MOV10: variants seen among roughly 807,000 people sequenced by gnomAD.
MOV10 encodes RNA helicase MOV-10.
A neutral mutation model predicts 108.4 loss-of-function variants in MOV10; 39 were observed. The ratio of observed to expected loss-of-function variants is 0.36; its 90% CI spans 0.28 to 0.47. The LOEUF is 0.47. Among genes scored for constraint, MOV10 ranks in the 20% least tolerant of loss-of-function variants. The pLI is 1.00. For synonymous variants in MOV10, 490 were observed against 523.1 expected, an observed-to-expected ratio of 0.94 and a Z score of 0.86; for missense variants, 952 against 1,297.6, an observed-to-expected ratio of 0.73 and a Z score of 4.09.
intron 17 of MOV10, 199 bp downstream of exon 17, chr1:112,698,988 T>G (rs1674371305): frequency 1.7e-6 from 1 of 592,000 alleles, no homozygotes; most frequent in Non-Finnish European, 3.0e-6. Flanking sequence ...GAAGCCTGCA[T>G]GTTTAACAAA....
At chr1:112,676,145 T>C (rs915566468) in intron 2 of MOV10, among the ~76,000 whole-genome samples, 7 of 152,188 alleles carry the variant, frequency 4.6e-5, no homozygotes, top group Non-Finnish European at 1.0e-4. Flanking sequence ...GGGGCAAAGA[T>C]GATGAGGCCC....
chr1:112,678,688 G>T (rs1358571547), intron 2 of MOV10, among the ~76,000 whole-genome samples: 2 of 152,042 alleles, frequency 1.3e-5, no homozygotes, highest in Non-Finnish European at 1.5e-5. Flanking sequence ...ACCTTCAAAG[G>T]CTTGGGATGA....
chr1:112,679,184 C>G (rs998275222), intron 2 of MOV10, among the ~76,000 whole-genome samples: 3 of 152,014 alleles, frequency 2.0e-5, no homozygotes, highest in African/African-American at 7.3e-5. Flanking sequence ...AGCCATTGTT[C>G]ACCCAACAAA....
chr1:112,698,855 T>C (rs1354511109), intron 17 of MOV10, 66 bp downstream of exon 17: 27 of 1,337,738 alleles, frequency 2.0e-5, no homozygotes, highest in African/African-American at 5.8e-5. Context: ...TTCCAGAGAC[T>C]TCCTCAAGCT....
rs115422843 is a variant in MOV10, at chr1:112,689,393, C to A, written c.342-22C>A. ...TCAGACCGCTCCCACCCCAACCCCCCCTTGACTCCCCTTCTCCCCAGGGCT... is the reference window on the plus strand; with the variant it reads ...TCAGACCGCTCCCACCCCAACCCCCACTTGACTCCCCTTCTCCCCAGGGCT... On this transcript the variant is annotated intron_variant, in intron 3 of 20. Transcript: ENST00000369645. 762 of 1,466,968 alleles carry A rather than the reference C, an allele frequency of 5.2e-4. 3 individuals are homozygous for A. The highest frequency in any genetic ancestry group is 5.5e-4 in the East Asian group (24 of 43,976). The allele number at this position is 1,466,968 out of a possible 1,614,324, so 90.9% of individuals were successfully genotyped here.
At chr1:112,696,070 G>T (rs570435821) in intron 11 of MOV10, 78 bp from the exon 12 acceptor site, 35 of 942,662 alleles carry the variant, frequency 3.7e-5, no homozygotes, top group Admixed American at 1.9e-4. Flanking sequence ...ATTGTTTGAG[G>T]GGGGGTACCC....
intron 2 of MOV10, among the ~76,000 whole-genome samples, chr1:112,681,615 A>G (rs1336883487): frequency 4.6e-5 from 7 of 152,130 alleles, no homozygotes; most frequent in African/African-American, 1.5e-4. Flanking sequence ...ATATCATACT[A>G]TAATAAATTT....
intron 5 of MOV10, among the ~76,000 whole-genome samples, chr1:112,690,766 T>C (rs1009862256): frequency 2.6e-5 from 4 of 152,330 alleles, no homozygotes; most frequent in Non-Finnish European, 4.4e-5. Context: ...TTCACAAATA[T>C]GTGACACTAT....
intron 3 of MOV10, 30 bp from the exon 4 acceptor site, chr1:112,689,385 C>CCCCCCCCCCCGGG: frequency 8.5e-7 from 1 of 1,182,978 alleles, no homozygotes; most frequent in Admixed American, 1.7e-5. Flanking sequence ...GCTCCCACCC[C>CCCCCCCCCCCGGG]AACCCCCCCT....
chr1:112,674,592 G>A (rs1399056066), upstream of MOV10: 3 of 216,054 alleles, frequency 1.4e-5, no homozygotes, highest in South Asian at 9.1e-5. Flanking sequence ...CGGTAGCCAC[G>A]TTCTGATACT....
At chr1:112,686,690 A>G (rs1274790217) in intron 2 of MOV10, among the ~76,000 whole-genome samples, 6 of 152,182 alleles carry the variant, frequency 3.9e-5, no homozygotes, top group Non-Finnish European at 8.8e-5. Context: ...TGTCATGGTC[A>G]GTCCCTCCAA....
At chr1:112,683,550 G>C (rs775372722) in intron 2 of MOV10, among the ~76,000 whole-genome samples, 1 of 152,074 alleles carries the variant, frequency 6.6e-6, no homozygotes, top group Non-Finnish European at 1.5e-5. Context: ...TGTTTCCCAG[G>C]ATGGTCTTGA....
chr1:112,688,810 C>A, intron 2 of MOV10, 125 bp from the exon 3 acceptor site: 1 of 1,525,648 alleles, frequency 6.6e-7, no homozygotes, highest in Admixed American at 2.0e-5. Context: ...TGGGCCCCAT[C>A]CTGCTCCACA....
chr1:112,691,124 C>CA (rs903995166), intron 5 of MOV10, among the ~76,000 whole-genome samples: 1 of 151,384 alleles, frequency 6.6e-6, no homozygotes, highest in African/African-American at 2.4e-5. Context: ...ACTAAAAATA[C>CA]AAAAAAATTA....
In MOV10 at chr1:112,676,881, T is replaced by G. The variant is rs922544408; in HGVS notation, c.137+1832T>G. Among the ~76,000 whole-genome samples, 8 of 152,282 alleles carry G rather than the reference T, an allele frequency of 5.3e-5. No homozygotes were observed. The East Asian group carries it at 1.5e-3, about 29-fold the overall frequency. ...AGGGCTCAGGGGAGTCTAACAAAAG[T>G]TTGATCAAGGAGAGTCTTTGTCAGC... is the stretch of plus-strand genomic sequence containing the variant. On this transcript the variant is annotated intron_variant, in intron 2 of 20. Coordinates refer to ENST00000369645, the MANE Select transcript of MOV10 (RefSeq NM_001321324.2).
chr1:112,686,902 C>A (rs1673119597), intron 2 of MOV10: 30 of 456,328 alleles, frequency 6.6e-5, no homozygotes, highest in South Asian at 4.5e-4. Context: ...CTTGCTCAGG[C>A]CTTTGTTATC....
At position 112,694,333 on chromosome 1, in the gene MOV10, GA is replaced by G; in HGVS notation, c.1296-118del. On this transcript the variant is annotated intron_variant, in intron 8 of 20. Coordinates refer to ENST00000369645, the MANE Select transcript of MOV10 (RefSeq NM_001321324.2). This position sits in a 1 kb window ranked among gnomAD's most constrained non-coding sequence, Gnocchi z 4.1. ...TGCTACGGCAGCTTCCTCTTCTAGA[GA>G]ACTTGCATAGAGGTCTTGGAAAGAG... 4.8e-6 allele frequency: 7 copies of G among 1,445,966 alleles called. No homozygotes were observed. In the South Asian group the frequency reaches 8.7e-5, roughly 18 times the overall value. 89.6% of individuals were successfully genotyped at this position (1,445,966 alleles called of 1,614,324 possible). A position where few individuals can be genotyped will look rare whatever the true frequency, so the allele number is the denominator to read the frequency against.
chr1:112,688,050 C>A (rs1673226212), intron 2 of MOV10, among the ~76,000 whole-genome samples: 1 of 152,104 alleles, frequency 6.6e-6, no homozygotes, highest in Non-Finnish European at 1.5e-5. Context: ...CCTCCTCTGC[C>A]CCCAGACTGG....
intron 2 of MOV10, among the ~76,000 whole-genome samples, chr1:112,684,354 G>A (rs1672906760): frequency 7.1e-6 from 1 of 141,268 alleles, no homozygotes; most frequent in Non-Finnish European, 1.5e-5. Flanking sequence ...TGCAACCTCC[G>A]CCTCCTGGGT....
Sources: allele counts gnomAD v4.1 joint callset (sites outside exome capture counted in the v4.1 genomes callset), GRCh38; gene constraint gnomAD v4.1.1; non-coding constraint Gnocchi (gnomAD v3.1); transcripts MANE v1.5; gene names NCBI Gene and HGNC (gene_info 2026-07-23, HGNC 2026-07-21).